Variants in RMDN2 observed in about 807,000 individuals in gnomAD.
The protein encoded by RMDN2 is regulator of microtubule dynamics 2.
In RMDN2, 61 loss-of-function variants were observed where a neutral mutation model predicts 52.8. The observed-to-expected ratio is 1.16, with a 90% CI of 0.94 to 1.43. The LOEUF is 1.43. Among genes scored for constraint, RMDN2 ranks in the 40% most tolerant of loss-of-function variants. The pLI, the probability that RMDN2 is intolerant of heterozygous loss-of-function variation, is 0.00. For missense variants in RMDN2, 592 were observed against 475.3 expected (o/e 1.25, Z -2.28); for synonymous variants, 180 against 153.1 (o/e 1.18, Z -1.30).
intron 10 of RMDN2, among the ~76,000 whole-genome samples, chr2:38,048,035 C>T (rs935366062): frequency 6.6e-6 from 1 of 152,216 alleles, no homozygotes; most frequent in Non-Finnish European, 1.5e-5. Flanking sequence ...GTGCTGATTA[C>T]CTGAGATGTA....
chr2:37,993,895 G>A lies in RMDN2; in HGVS notation c.945+2598G>A, dbSNP rs981652885. On this transcript the variant is annotated intron_variant, in intron 7 of 10. Coordinates refer to ENST00000354545, the MANE Select transcript of RMDN2 (RefSeq NM_001170791.3). ...GAAACGCTGCTAAGATTTAAAAGCC[G>A]TTTACCCAACCTCACAAGTGTCTGG... Among the ~76,000 whole-genome samples, 13 of 152,188 alleles carry A rather than the reference G, an allele frequency of 8.5e-5. No homozygotes were observed. In the East Asian group the frequency reaches 9.6e-4, roughly 11 times the overall value.
intron 10 of RMDN2, among the ~76,000 whole-genome samples, chr2:38,012,357 A>G (rs991563032): frequency 6.6e-6 from 1 of 152,216 alleles, no homozygotes; most frequent in Non-Finnish European, 1.5e-5. Flanking sequence ...TGAAAGTAAC[A>G]ACCAGGTTTG....
At chr2:38,003,604 G>GATAGATAGATAGATAGATAGACAGA (rs1306774545) in intron 8 of RMDN2, among the ~76,000 whole-genome samples, 3 of 103,250 alleles carry the variant, frequency 2.9e-5, no homozygotes, top group South Asian at 6.6e-4. Flanking sequence ...AGATAGATAG[G>GATAGATAGATAGATAGATAGACAGA]CAGACAGACA....
At chr2:38,051,469 T>C (rs1038426339) in intron 10 of RMDN2, among the ~76,000 whole-genome samples, 8 of 152,228 alleles carry the variant, frequency 5.3e-5, no homozygotes, top group Non-Finnish European at 8.8e-5. Flanking sequence ...ATATAAAATA[T>C]GTAATGATCA....
chr2:37,974,031 C>T lies in RMDN2; in HGVS notation c.453-9C>T, dbSNP rs760951967. ...TCAAAGGAGTTGATGATTATTTCTG[C>T]GATTTTAGGTATATTACAGCTAATA... is the stretch of plus-strand genomic sequence containing the variant. On this transcript the variant is annotated splice_polypyrimidine_tract_variant and intron_variant, in intron 2 of 10. Coordinates refer to ENST00000354545, the MANE Select transcript of RMDN2 (RefSeq NM_001170791.3). 16 of 1,594,164 alleles carry T rather than the reference C, an allele frequency of 1.0e-5. No individual in the cohort carries two copies. In the Middle Eastern group the frequency reaches 5.0e-4, roughly 49 times the overall value.
exon 11 of RMDN2, chr2:38,067,025 C>G: frequency 3.1e-6 from 5 of 1,611,288 alleles, no homozygotes; most frequent in African/African-American, 1.3e-5. Flanking sequence ...ACCGCAAGCC[C>G]TGTCATCTGT....
chr2:37,972,005 G>T (rs752486519), intron 2 of RMDN2, among the ~76,000 whole-genome samples: 1 of 151,958 alleles, frequency 6.6e-6, no homozygotes, highest in African/African-American at 2.4e-5. Context: ...CATGAATTTA[G>T]GTCATTTTAG....
At chr2:37,968,918 C>T (rs1671435556) in intron 2 of RMDN2, among the ~76,000 whole-genome samples, 1 of 152,162 alleles carries the variant, frequency 6.6e-6, no homozygotes, top group Non-Finnish European at 1.5e-5. Context: ...CTCAATAATG[C>T]ATGGATATGC....
In RMDN2 at chr2:37,929,649, C is replaced by A. The variant is rs897109491; in HGVS notation, c.372C>A (p.His124Gln). ...CTGTTCATAAGATAAGCCCTCAGCA[C>A]AGAGCGAGAAAAAGAAGACTCCCCA... is the stretch of plus-strand genomic sequence containing the variant. ...KITVHKISPQ[H>Q]RARKRRLPTI... Residue 124 changes from histidine (H) to glutamine (Q), a missense_variant, in exon 2 of 11, where the codon CAC becomes CAA. Coordinates refer to ENST00000354545, the MANE Select transcript of RMDN2 (RefSeq NM_001170791.3). 1.3e-6 allele frequency: 2 copies of A among 1,547,482 alleles called. No homozygotes were observed. The highest frequency in any genetic ancestry group is 1.7e-6 in the Non-Finnish European group (2 of 1,146,064).
intron 2 of RMDN2, among the ~76,000 whole-genome samples, chr2:37,948,791 G>A (rs1002682357): frequency 6.6e-6 from 1 of 152,086 alleles, no homozygotes; most frequent in African/African-American, 2.4e-5. Flanking sequence ...ACCGTTTTTT[G>A]TGTCTGCATA....
At chr2:38,006,541 T>A (rs1677112668) in intron 10 of RMDN2, among the ~76,000 whole-genome samples, 1 of 152,238 alleles carries the variant, frequency 6.6e-6, no homozygotes, top group Non-Finnish European at 1.5e-5. Context: ...TTGTGATTTT[T>A]GCACATTGAT....
chr2:38,005,520 A>G (rs1350572380), intron 10 of RMDN2, among the ~76,000 whole-genome samples: 1 of 152,086 alleles, frequency 6.6e-6, no homozygotes, highest in Admixed American at 6.6e-5. Context: ...GTGTCTGTTC[A>G]TATCCTGTGC....
intron 2 of RMDN2, among the ~76,000 whole-genome samples, chr2:37,939,277 C>G (rs1414439136): frequency 6.6e-6 from 1 of 152,074 alleles, no homozygotes; most frequent in Non-Finnish European, 1.5e-5. Context: ...GATTTCCATT[C>G]TTTTACATTT....
chr2:37,991,757 GCTAA>G (rs1167450100), intron 7 of RMDN2, among the ~76,000 whole-genome samples: 1 of 152,136 alleles, frequency 6.6e-6, no homozygotes, highest in South Asian at 2.1e-4. Context: ...CAAATTATGT[GCTAA>G]CTAACTGGCC....
intron 10 of RMDN2, among the ~76,000 whole-genome samples, chr2:38,054,992 T>C (rs1406578988): frequency 6.6e-6 from 1 of 152,184 alleles, no homozygotes; most frequent in Non-Finnish European, 1.5e-5. Context: ...ATTCAGAAAG[T>C]TACCAGAAAT....
chr2:37,930,058 C>T (rs1171956762), intron 2 of RMDN2, among the ~76,000 whole-genome samples: 1 of 152,146 alleles, frequency 6.6e-6, no homozygotes, highest in African/African-American at 2.4e-5. Context: ...TTCTCTAGAC[C>T]ACTCCTGTTC....
At chr2:38,014,597 T>G (rs1159978923) in intron 10 of RMDN2, among the ~76,000 whole-genome samples, 1 of 152,208 alleles carries the variant, frequency 6.6e-6, no homozygotes, top group Non-Finnish European at 1.5e-5. Context: ...TAATGACAGT[T>G]TAATGTAAAT....
chr2:37,939,581 T>G (rs1416168817), intron 2 of RMDN2, among the ~76,000 whole-genome samples: 1 of 152,228 alleles, frequency 6.6e-6, no homozygotes, highest in Non-Finnish European at 1.5e-5. Flanking sequence ...GCTCTTGTAT[T>G]GGGTGAGTAT....
intron 10 of RMDN2, among the ~76,000 whole-genome samples, chr2:38,040,738 G>A (rs181386222): frequency 6.6e-6 from 1 of 152,284 alleles, no homozygotes; most frequent in African/African-American, 2.4e-5. Flanking sequence ...TAGAATCAGA[G>A]GGGCACTATC....
Sources: gnomAD v4.1 joint callset for allele counts (sites outside exome capture counted in the v4.1 genomes callset) on GRCh38, gnomAD v4.1.1 for gene constraint, MANE v1.5 for transcripts, NCBI Gene and HGNC (gene_info 2026-07-23, HGNC 2026-07-21) for gene names.